The following EEFSEC variants were observed in gnomAD, a reference collection of about 807,000 sequenced individuals.
EEFSEC encodes selenocysteine-specific elongation factor.
In EEFSEC, 43 loss-of-function variants were observed where a neutral mutation model predicts 42.1. The observed-to-expected ratio is 1.02, with a 90% CI of 0.80 to 1.32. The LOEUF (loss-of-function observed/expected upper bound fraction) is 1.32. Ranked by LOEUF, EEFSEC falls within the 40% of genes most tolerant of loss-of-function variation. The pLI, the probability that EEFSEC is intolerant of heterozygous loss-of-function variation, is 0.00. For synonymous variants in EEFSEC, 354 were observed against 339.1 expected, an observed-to-expected ratio of 1.04 and a Z score of -0.48; for missense variants, 745 against 803.6, an observed-to-expected ratio of 0.93 and a Z score of 0.88.
intron 1 of EEFSEC, among the ~76,000 whole-genome samples, chr3:128,179,798 C>T (rs1397119955): frequency 2.0e-5 from 3 of 152,070 alleles, no homozygotes; most frequent in African/African-American, 4.8e-5. Flanking sequence ...CAAAATTTAG[C>T]CAGTTCAGCA....
At chr3:128,155,807 G>C (rs1324868364) in intron 1 of EEFSEC, among the ~76,000 whole-genome samples, 1 of 152,198 alleles carries the variant, frequency 6.6e-6, no homozygotes, top group East Asian at 1.9e-4. Context: ...CAGGCAGTCT[G>C]AGATCATTTC....
chr3:128,365,341 G>A lies in EEFSEC; in HGVS notation c.1600+6968G>A, dbSNP rs541769699. Reference sequence around the variant, plus strand: ...GTCAGACGAGGCCAAGGTTGCAGGGGCCGCTGGGCTAGTTACCTGGAGGGT... The same window carrying A: ...GTCAGACGAGGCCAAGGTTGCAGGGACCGCTGGGCTAGTTACCTGGAGGGT... On this transcript the variant is annotated intron_variant, in intron 6 of 6. Coordinates refer to ENST00000254730, the MANE Select transcript of EEFSEC (RefSeq NM_021937.5). Among the ~76,000 whole-genome samples, 5 of 152,334 alleles carry A rather than the reference G, an allele frequency of 3.3e-5. No individual in the cohort carries two copies. In the East Asian group the frequency reaches 9.6e-4, roughly 29 times the overall value.
chr3:128,215,035 G>T (rs995512611), intron 1 of EEFSEC, among the ~76,000 whole-genome samples: 1 of 152,200 alleles, frequency 6.6e-6, no homozygotes, highest in South Asian at 2.1e-4. Flanking sequence ...TATTGTGGTT[G>T]TAATAATGTT....
intron 1 of EEFSEC, 58 bp from the exon 2 acceptor site, chr3:128,246,778 C>A: frequency 6.3e-7 from 1 of 1,596,604 alleles, no homozygotes; most frequent in Non-Finnish European, 8.6e-7. Flanking sequence ...CATTGGGCAA[C>A]TTTCTGTGGG....
At chr3:128,269,367 C>T (rs1279570295) in intron 4 of EEFSEC, among the ~76,000 whole-genome samples, 3 of 152,196 alleles carry the variant, frequency 2.0e-5, no homozygotes, top group Non-Finnish European at 2.9e-5. Flanking sequence ...GCCTGGGCTG[C>T]GGCATGTACG....
intron 5 of EEFSEC, among the ~76,000 whole-genome samples, chr3:128,352,762 C>A (rs949538914): frequency 6.6e-6 from 1 of 152,246 alleles, no homozygotes; most frequent in Non-Finnish European, 1.5e-5. Flanking sequence ...CAACTGTTTA[C>A]AAGTGCTCCC....
intron 4 of EEFSEC, among the ~76,000 whole-genome samples, chr3:128,303,552 T>A (rs561200657): frequency 4.3e-4 from 66 of 152,374 alleles, no homozygotes; most frequent in Middle Eastern, 3.4e-3. Flanking sequence ...CTTTGCCCAT[T>A]TTTATACTAG....
chr3:128,329,318 G>C (rs1276941996), intron 4 of EEFSEC, among the ~76,000 whole-genome samples: 2 of 152,172 alleles, frequency 1.3e-5, no homozygotes, highest in Non-Finnish European at 2.9e-5. Context: ...CTGCACAGCT[G>C]CACTGGGGTG....
At chr3:128,250,209 T>G (rs1164193131) in intron 2 of EEFSEC, among the ~76,000 whole-genome samples, 1 of 152,194 alleles carries the variant, frequency 6.6e-6, no homozygotes, top group Admixed American at 6.5e-5. Context: ...TAGATTGTCT[T>G]TTCACTTCGT....
rs142819202 is a variant in EEFSEC at position 128,408,243 on chromosome 3, T to C, written c.1775T>C (p.Met592Thr). 6.3e-5 allele frequency: 101 copies of C among 1,599,146 alleles called. No individual in the cohort carries two copies. Among genetic ancestry groups the C allele is most frequent in the Middle Eastern group, 1.7e-4 (1 of 6,034 alleles). ...KRYVFDTHKRMVQSP is the reference protein window; with the variant it reads ...KRYVFDTHKRTVQSP ...TATGTCTTCGACACCCACAAGCGCA[T>C]GGTTCAGTCTCCCTGAGTGTCCGGT... is the stretch of plus-strand genomic sequence containing the variant. The change falls in exon 7 of 7, where the codon ATG (methionine) becomes ACG (threonine). Residue 592 changes from methionine (M) to threonine (T), a missense_variant. Met to Thr is a moderately conservative substitution (Grantham distance 81). Coordinates refer to ENST00000254730, the MANE Select transcript of EEFSEC (RefSeq NM_021937.5).
At chr3:128,240,877 C>T (rs573501376) in intron 1 of EEFSEC, among the ~76,000 whole-genome samples, 1 of 152,242 alleles carries the variant, frequency 6.6e-6, no homozygotes, top group Admixed American at 6.5e-5. Context: ...GTCTTCTTAC[C>T]TGTATAATGA....
chr3:128,198,124 A>G (rs1223577042), intron 1 of EEFSEC, among the ~76,000 whole-genome samples: 1 of 152,102 alleles, frequency 6.6e-6, no homozygotes, highest in Admixed American at 6.5e-5. Flanking sequence ...GCCCTGAGTG[A>G]TGTTGTTTCA....
chr3:128,419,799 C>A, the EEFSEC span, among the ~76,000 whole-genome samples: 1 of 152,132 alleles, frequency 6.6e-6, no homozygotes, highest in Non-Finnish European at 1.5e-5. Flanking sequence ...GTGGTGAGGC[C>A]CCGACACATC....
At chr3:128,413,718 C>A in the EEFSEC span, among the ~76,000 whole-genome samples, 240 of 152,316 alleles carry the variant, frequency 1.6e-3, no homozygotes, top group Middle Eastern at 0.014. Context: ...GGAGCCCAGG[C>A]TGACCTGGCC....
chr3:128,276,353 A>C (rs973040102), intron 4 of EEFSEC, among the ~76,000 whole-genome samples: 1 of 152,148 alleles, frequency 6.6e-6, no homozygotes, highest in Non-Finnish European at 1.5e-5. Context: ...AAATCATCCA[A>C]AGGGACTCCC....
At chr3:128,268,049 ATGACTC>A (rs2066373485) in intron 4 of EEFSEC, among the ~76,000 whole-genome samples, 1 of 152,242 alleles carries the variant, frequency 6.6e-6, no homozygotes, top group South Asian at 2.1e-4. Flanking sequence ...AAAAGGAAGA[ATGACTC>A]TGAGAGCAGG....
chr3:128,203,529 T>C (rs975781656), intron 1 of EEFSEC, among the ~76,000 whole-genome samples: 4 of 152,150 alleles, frequency 2.6e-5, no homozygotes, highest in Non-Finnish European at 5.9e-5. Flanking sequence ...CCTGCATGTG[T>C]TAGGTGTGAG....
intron 5 of EEFSEC, 133 bp downstream of exon 5, chr3:128,342,022 T>G: frequency 7.9e-7 from 1 of 1,271,896 alleles, no homozygotes; most frequent in Non-Finnish European, 1.1e-6. Flanking sequence ...GTAGTTTCTG[T>G]ACAAGGCATC....
At chr3:128,170,151 C>T (rs1028131648) in intron 1 of EEFSEC, among the ~76,000 whole-genome samples, 4 of 152,170 alleles carry the variant, frequency 2.6e-5, no homozygotes, top group Non-Finnish European at 5.9e-5. Context: ...CCGCCTCCCC[C>T]GCCTGGCCCG....
Sources: allele counts gnomAD v4.1 joint callset (sites outside exome capture counted in the v4.1 genomes callset), GRCh38; gene constraint gnomAD v4.1.1; transcripts MANE v1.5; gene names NCBI Gene and HGNC (gene_info 2026-07-23, HGNC 2026-07-21).